Variants in PDYN observed in about 807,000 individuals in gnomAD.
PDYN encodes prodynorphin, also known as proenkephalin-B.
A neutral mutation model predicts 11.4 loss-of-function variants in PDYN; 5 were observed. The ratio of observed to expected loss-of-function variants is 0.44; its 90% CI spans 0.23 to 0.92. The LOEUF (loss-of-function observed/expected upper bound fraction) is 0.92. Ranked by LOEUF, PDYN falls within the 40% of genes least tolerant of loss-of-function variation. PDYN has a pLI of 0.24. For missense variants in PDYN, 337 were observed against 317.3 expected (o/e 1.06, Z -0.47); for synonymous variants, 132 against 129.5 (o/e 1.02, Z -0.13).
At chr20:1,989,021 C>G (rs1988319220) in intron 2 of PDYN, among the ~76,000 whole-genome samples, 1 of 152,176 alleles carries the variant, frequency 6.6e-6, no homozygotes, top group Non-Finnish European at 1.5e-5. Context: ...GCCAAGAAAG[C>G]CCAAAATATT....
chr20:1,983,524 A>C (rs1600516795), intron 2 of PDYN, among the ~76,000 whole-genome samples: 1 of 152,176 alleles, frequency 6.6e-6, no homozygotes. Context: ...ACTTGGCTAA[A>C]TGCTTTTCTG....
intron 2 of PDYN, among the ~76,000 whole-genome samples, chr20:1,985,665 G>A (rs1017190479): frequency 6.6e-6 from 1 of 152,146 alleles, no homozygotes; most frequent in Non-Finnish European, 1.5e-5. Flanking sequence ...CGAGGCATAA[G>A]CTCAGGCCCA....
At chr20:1,982,812 T>C (rs1171020600) in intron 3 of PDYN, 144 bp downstream of exon 3, 2 of 798,672 alleles carry the variant, frequency 2.5e-6, no homozygotes, top group East Asian at 2.8e-5. Context: ...AGGCCATCTA[T>C]AGGGCAGGAC....
intron 2 of PDYN, among the ~76,000 whole-genome samples, chr20:1,992,087 C>T (rs1023496920): frequency 6.6e-6 from 1 of 152,112 alleles, no homozygotes; most frequent in African/African-American, 2.4e-5. Context: ...CTACTGAATG[C>T]CAGGCATTTT....
At chr20:1,991,133 A>G (rs904113777) in intron 2 of PDYN, among the ~76,000 whole-genome samples, 1 of 152,148 alleles carries the variant, frequency 6.6e-6, no homozygotes, top group African/African-American at 2.4e-5. Context: ...TGAATCACAA[A>G]CACCAATTCT....
intron 2 of PDYN, among the ~76,000 whole-genome samples, chr20:1,983,666 C>T (rs188702143): frequency 7.4e-4 from 113 of 152,308 alleles, no homozygotes; most frequent in African/African-American, 2.5e-3. Context: ...CACCTTCACT[C>T]CCTCTCCCTG....
In PDYN at chr20:1,982,947, G is replaced by T; in HGVS notation, c.129+9C>A. Reference sequence around the variant, plus strand: ...ACCTGGGCATTGAAGAACCTTGCCTGAAACCTACCAGGGGATTGATAGGTT... The same window carrying T: ...ACCTGGGCATTGAAGAACCTTGCCTTAAACCTACCAGGGGATTGATAGGTT... On this transcript the variant is annotated intron_variant, in intron 3 of 3. Transcript: ENST00000217305. 1 of 1,613,106 alleles carries T rather than the reference G, an allele frequency of 6.2e-7. No homozygotes were observed. Among genetic ancestry groups the T allele is most frequent in the South Asian group, 1.1e-5 (1 of 90,962 alleles).
Position 1,980,671 on chromosome 20 carries a change from C to T in PDYN, c.417G>A (p.Glu139=), listed in dbSNP as rs748839197. ...KLRGLSDGFR[E]GAESELMRDA... is the part of the protein sequence containing the mutation. ...CCCTCATCAGCTCAGACTCTGCTCC[C>T]TCCCTAAACCCGTCAGAGAGACCCC... is the stretch of plus-strand genomic sequence containing the variant. Residue 139 remains glutamate (E), a synonymous_variant, in exon 4 of 4, where the codon GAG becomes GAA. Transcript: ENST00000217305. 6.2e-7 allele frequency: 1 copy of T among 1,614,226 alleles called. No homozygotes were observed. Among genetic ancestry groups the T allele is most frequent in the Non-Finnish European group, 8.5e-7 (1 of 1,180,038 alleles).
intron 3 of PDYN, 77 bp from the exon 4 acceptor site, chr20:1,981,035 A>G: frequency 6.4e-7 from 1 of 1,566,376 alleles, no homozygotes; most frequent in Non-Finnish European, 8.7e-7. Flanking sequence ...TCCCCTGTCC[A>G]GTGTCTGAGA....
rs1196308190 is a variant in PDYN, at chr20:1,983,239, AACAG to A, written c.-19-140_-19-137del. ...CTGATTCCCATTCTACAGTCAAGAA[AACAG>A]AGGCCCAGGGAGGTAAAGCAGAGGC... On this transcript the variant is annotated intron_variant, in intron 2 of 3. Coordinates refer to ENST00000217305, the MANE Select transcript of PDYN (RefSeq NM_024411.5). The A allele has an allele frequency of 3.7e-6, 3 of 812,622 alleles. No homozygotes were observed. The African/African-American group carries it at 5.2e-5, about 14-fold the overall frequency. 50.3% of individuals were successfully genotyped at this position (812,622 alleles called of 1,614,324 possible). A position where few individuals can be genotyped will look rare whatever the true frequency, so the allele number is the denominator to read the frequency against.
intron 2 of PDYN, among the ~76,000 whole-genome samples, chr20:1,988,972 T>G (rs1260012719): frequency 1.3e-5 from 2 of 152,208 alleles, no homozygotes; most frequent in African/African-American, 2.4e-5. Flanking sequence ...GTTTTCATGC[T>G]GCAAAAGCTG....
chr20:1,987,066 TGC>T (rs2122371422), intron 2 of PDYN, among the ~76,000 whole-genome samples: 1 of 152,178 alleles, frequency 6.6e-6, no homozygotes, highest in South Asian at 2.1e-4. Context: ...GTCGCTGAGG[TGC>T]GAGTGTGTTG....
rs57499150 is a variant in PDYN at position 1,989,682 on chromosome 20, A to G, written c.-20+2902T>C. Among the ~76,000 whole-genome samples the G allele has an allele frequency of 9.5e-3, 1,446 of 152,338 alleles. 18 individuals are homozygous for G. The highest frequency in any genetic ancestry group is 0.033 in the African/African-American group (1,377 of 41,574). ...TATCTCTCTGAGCACTTTAGCGCAT[A>G]TGATTACCCCTATTTGATGAAAGAG... On this transcript the variant is annotated intron_variant, in intron 2 of 3. Transcript: ENST00000217305.
At chr20:1,987,125 G>A (rs1341298284) in intron 2 of PDYN, among the ~76,000 whole-genome samples, 1 of 152,204 alleles carries the variant, frequency 6.6e-6, no homozygotes. Context: ...GGACGTAAGG[G>A]AGAGACTGGG....
intron 2 of PDYN, among the ~76,000 whole-genome samples, chr20:1,984,144 C>A (rs1007466884): frequency 3.3e-5 from 5 of 152,118 alleles, no homozygotes; most frequent in Admixed American, 3.3e-4. Flanking sequence ...GATTTGGTTC[C>A]ACGTCTTGTC....
chr20:1,989,443 C>T (rs1023574795), intron 2 of PDYN, among the ~76,000 whole-genome samples: 8 of 152,184 alleles, frequency 5.3e-5, no homozygotes, highest in Non-Finnish European at 1.0e-4. Context: ...TATCATCTTC[C>T]TGCACTGAGA....
At chr20:1,985,356 G>A (rs954507883) in intron 2 of PDYN, among the ~76,000 whole-genome samples, 6 of 152,042 alleles carry the variant, frequency 3.9e-5, no homozygotes, top group South Asian at 2.1e-4. Flanking sequence ...TCAGGGAAGC[G>A]GGCACTTCTG....
intron 2 of PDYN, among the ~76,000 whole-genome samples, chr20:1,988,180 G>T (rs190710800): frequency 6.6e-6 from 1 of 152,120 alleles, no homozygotes; most frequent in Non-Finnish European, 1.5e-5. Context: ...CCCCAGAGGT[G>T]CATGTTTTTC....
rs1987674660 is a variant in PDYN at position 1,980,457 on chromosome 20, A to G, written c.631T>C (p.Leu211=). Residue 211 remains leucine, a synonymous_variant, in exon 4 of 4, where the codon TTG becomes CTG. Coordinates refer to ENST00000217305, the MANE Select transcript of PDYN (RefSeq NM_024411.5). ...EDLYKRYGGF[L]RRIRPKLKWD... ...TTGAGCTTGGGACGAATGCGCCGCA[A>G]GAAGCCCCCATAGCGTTTGTACAGG... The G allele has an allele frequency of 4.3e-6, 7 of 1,614,050 alleles. No individual in the cohort carries two copies. Among genetic ancestry groups the G allele is most frequent in the Admixed American group, 3.3e-5 (2 of 60,000 alleles).
Sources: gnomAD v4.1 joint callset for allele counts (sites outside exome capture counted in the v4.1 genomes callset) on GRCh38, gnomAD v4.1.1 for gene constraint, MANE v1.5 for transcripts, NCBI Gene and HGNC (gene_info 2026-07-23, HGNC 2026-07-21) for gene names.